The following HSF2 variants were observed in gnomAD, a reference collection of about 807,000 sequenced individuals.
HSF2 encodes the protein heat shock factor protein 2.
In HSF2, 21 loss-of-function variants were observed where a neutral mutation model predicts 65.0. The observed-to-expected ratio is 0.32, with a 90% confidence interval of 0.23 to 0.47. The LOEUF (loss-of-function observed/expected upper bound fraction) is 0.47, where lower values mean the gene tolerates loss of function less well. Ranked by LOEUF, HSF2 falls within the 20% of genes least tolerant of loss-of-function variation. HSF2 has a pLI of 1.00. For synonymous variants in HSF2, 225 were observed against 219.1 expected, an observed-to-expected ratio of 1.03 and a Z score of -0.24; for missense variants, 499 against 628.1, an observed-to-expected ratio of 0.79 and a Z score of 2.20.
intron 11 of HSF2, among the ~76,000 whole-genome samples, chr6:122,430,304 A>G (rs966882519): frequency 2.0e-5 from 3 of 152,216 alleles, no homozygotes; most frequent in Middle Eastern, 3.4e-3. Flanking sequence ...AGAGGTGTTT[A>G]TAGTATTCTC....
intron 1 of HSF2, among the ~76,000 whole-genome samples, chr6:122,410,926 GT>G (rs1350722603): frequency 8.1e-6 from 1 of 123,636 alleles, no homozygotes; most frequent in African/African-American, 2.9e-5. Context: ...TTTTTGTTTT[GT>G]TTTTTTGTTG....
At chr6:122,430,224 A>T (rs9401540) in intron 11 of HSF2, among the ~76,000 whole-genome samples, 121,117 of 152,038 alleles carry the variant, frequency 0.8, 48,471 homozygotes, top group South Asian at 0.92. Flanking sequence ...TTCTTCCTGG[A>T]TTAGTCTTGG....
chr6:122,407,065 G>T (rs1313071404), intron 1 of HSF2, among the ~76,000 whole-genome samples: 1 of 152,082 alleles, frequency 6.6e-6, no homozygotes, highest in Non-Finnish European at 1.5e-5. Flanking sequence ...GGAACCAAAA[G>T]ATGTATTATT....
rs1774503150 is a variant in HSF2, at chr6:122,432,674, G to A, written c.*454G>A. On this transcript the variant is annotated 3_prime_UTR_variant, in exon 13 of 13. Coordinates refer to ENST00000368455, the MANE Select transcript of HSF2 (RefSeq NM_004506.4). ...TTCACTTGGCTTATTTTTAAAACTG[G>A]GAACATAAAGTGCCTGTATCTTGTA... 6.5e-6 allele frequency: 1 copy of A among 154,312 alleles called. No individual in the cohort carries two copies. The highest frequency in any genetic ancestry group is 6.4e-5 in the Admixed American group (1 of 15,612). 9.6% of individuals were successfully genotyped at this position (154,312 alleles called of 1,614,324 possible). A position where few individuals can be genotyped will look rare whatever the true frequency, so the allele number is the denominator to read the frequency against.
chr6:122,420,935 C>G (rs1488829492), intron 7 of HSF2, among the ~76,000 whole-genome samples: 1 of 151,564 alleles, frequency 6.6e-6, no homozygotes, highest in Non-Finnish European at 1.5e-5. Context: ...TGGTCTCGAA[C>G]TCCCAGACTC....
chr6:122,420,209 A>T lies in HSF2; in HGVS notation c.668A>T (p.Asn223Ile), dbSNP rs773068665. 6.9e-6 allele frequency: 11 copies of T among 1,597,082 alleles called. No individual in the cohort carries two copies. Among genetic ancestry groups the T allele is most frequent in the Non-Finnish European group, 8.6e-6 (10 of 1,166,630 alleles). Residue 223 changes from asparagine to isoleucine, a missense_variant, in exon 7 of 13, where the codon AAT becomes ATT. Physicochemically the swap from Asn to Ile is moderately radical, Grantham distance 149 (BLOSUM62 -3). This residue lies in a region of HSF2 where 349 missense variants were observed against 393.5 expected (regional missense o/e 0.89). Transcript: ENST00000368455. Reference sequence around the variant, plus strand: ...CACATAGTCAAAGAACCAACTGATAATCATCATCATAAAGTAATTTTTTAG... The same window carrying T: ...CACATAGTCAAAGAACCAACTGATATTCATCATCATAAAGTAATTTTTTAG... ...FQHIVKEPTD[N>I]HHHKVPHSRT...
At chr6:122,422,359 A>G in intron 8 of HSF2, 61 bp downstream of exon 8, 1 of 1,161,548 alleles carries the variant, frequency 8.6e-7, no homozygotes. Context: ...TTACAGAGTA[A>G]AATTCAAAAC....
chr6:122,416,351 T>C, intron 5 of HSF2, 55 bp downstream of exon 5: 1 of 1,184,936 alleles, frequency 8.4e-7, no homozygotes, highest in Non-Finnish European at 1.3e-6. Context: ...TGAGTACTGT[T>C]TGTGACCCAA....
rs1429896505 is a variant in HSF2, at chr6:122,423,436, CTAG to C, written c.1071-144_1071-142del. The C allele has an allele frequency of 5.1e-4, 250 of 488,884 alleles. 3 individuals carry two copies. In the South Asian group the frequency reaches 5.6e-3, roughly 11 times the overall value. The allele number at this position is 488,884 out of a possible 1,614,324, so 30.3% of individuals were successfully genotyped here. On this transcript the variant is annotated intron_variant, in intron 9 of 12. Coordinates refer to ENST00000368455, the MANE Select transcript of HSF2 (RefSeq NM_004506.4). ...AACCAGATTTTCAAGAATTCCTACT[CTAG>C]AATAAGATCTCTTAAGATTAAGAAC... is the stretch of plus-strand genomic sequence containing the variant.
At chr6:122,407,323 A>C (rs1057145517) in intron 1 of HSF2, among the ~76,000 whole-genome samples, 1 of 152,212 alleles carries the variant, frequency 6.6e-6, no homozygotes, top group African/African-American at 2.4e-5. Context: ...GAAATGTCTA[A>C]CCTCAAGATA....
intron 1 of HSF2, among the ~76,000 whole-genome samples, chr6:122,408,045 T>G (rs1357619520): frequency 1.3e-5 from 2 of 152,088 alleles, no homozygotes; most frequent in Admixed American, 6.6e-5. Flanking sequence ...GGGTCCTATC[T>G]TCATTACCTC....
chr6:122,428,086 A>G (rs1774377701), intron 11 of HSF2, 130 bp downstream of exon 11: 1 of 498,820 alleles, frequency 2.0e-6, no homozygotes, highest in Non-Finnish European at 3.5e-6. Flanking sequence ...TGTGTGATCA[A>G]GATAATAAAA....
Position 122,399,815 on chromosome 6 carries a change from C to T in HSF2, c.78C>T (p.Phe26=), listed in dbSNP as rs760194482. Residue 26 remains phenylalanine, a synonymous_variant, in exon 1 of 13, where the codon TTC becomes TTT. Coordinates refer to ENST00000368455, the MANE Select transcript of HSF2 (RefSeq NM_004506.4). ...TGGAGGAAACCCACACTAACGAGTT[C>T]ATCACCTGGAGCCAGGTACGGTCAG... ...TLVEETHTNE[F]ITWSQNGQSF... 108 of 1,611,778 alleles carry T rather than the reference C, an allele frequency of 6.7e-5. No homozygotes were observed. Among genetic ancestry groups the T allele is most frequent in the Non-Finnish European group, 8.7e-5 (102 of 1,179,096 alleles).
rs200754759 is a variant in HSF2, at chr6:122,416,314, C to T, written c.531+18C>T. On this transcript the variant is annotated intron_variant, in intron 5 of 12. Transcript: ENST00000368455. ...TTCGAAAGGTAAGAAGCTCTTTTCC[C>T]CAGGACCATAATTTGCATTTGTTTA... 2.7e-5 allele frequency: 42 copies of T among 1,577,986 alleles called. No homozygotes were observed. The East Asian group carries it at 6.7e-4, about 25-fold the overall frequency.
At chr6:122,422,626 A>C (rs1246422987) in intron 8 of HSF2, 92 bp from the exon 9 acceptor site, 1 of 1,317,040 alleles carries the variant, frequency 7.6e-7, no homozygotes, top group Non-Finnish European at 1.1e-6. Flanking sequence ...AGTATGTGGT[A>C]TGGGGAGAGA....
At chr6:122,403,474 G>A (rs1485181690) in intron 1 of HSF2, among the ~76,000 whole-genome samples, 1 of 152,068 alleles carries the variant, frequency 6.6e-6, no homozygotes, top group Non-Finnish European at 1.5e-5. Context: ...AGGTATGGTG[G>A]CGTGCATCTT....
In HSF2 at chr6:122,423,698, G is replaced by C. The variant is rs556748113; in HGVS notation, c.1176+12G>C. On this transcript the variant is annotated intron_variant, in intron 10 of 12. Transcript: ENST00000368455. ...ATCTCCTGGTTGATGTAGGTACTTTGGGTAATCTTTGCTATACTGGTAGTT... is the reference window on the plus strand; with the variant it reads ...ATCTCCTGGTTGATGTAGGTACTTTCGGTAATCTTTGCTATACTGGTAGTT... 1.3e-6 allele frequency: 2 copies of C among 1,495,522 alleles called. No individual in the cohort carries two copies. Among genetic ancestry groups the C allele is most frequent in the East Asian group, 4.5e-5 (2 of 44,090 alleles). 92.6% of individuals were successfully genotyped at this position (1,495,522 alleles called of 1,614,324 possible).
At chr6:122,415,647 A>C (rs1434352350) in intron 4 of HSF2, among the ~76,000 whole-genome samples, 2 of 152,112 alleles carry the variant, frequency 1.3e-5, no homozygotes, top group African/African-American at 4.8e-5. Context: ...GCCAACTACT[A>C]TATTGATGTA....
intron 7 of HSF2, 92 bp downstream of exon 7, chr6:122,420,314 A>G: frequency 1.1e-6 from 1 of 901,466 alleles, no homozygotes; most frequent in Middle Eastern, 3.6e-4. Context: ...AGTGTGGTGA[A>G]TAACAATTCA....
Sources: gnomAD v4.1 joint callset for allele counts (sites outside exome capture counted in the v4.1 genomes callset) on GRCh38, gnomAD v4.1.1 for gene constraint, gnomAD v4.1.1 regional missense constraint, MANE v1.5 for transcripts, NCBI Gene and HGNC (gene_info 2026-07-23, HGNC 2026-07-21) for gene names.